The following RBPJ variants were observed in gnomAD, a reference collection of about 807,000 sequenced individuals.
The protein encoded by RBPJ is recombining binding protein suppressor of hairless.
In RBPJ, 9 loss-of-function variants were observed where a neutral mutation model predicts 67.8. The observed-to-expected ratio is 0.13, with a 90% CI of 0.08 to 0.23. The LOEUF (loss-of-function observed/expected upper bound fraction) is 0.23. RBPJ is among the 10% of genes least tolerant of loss of function. The pLI is 1.00. For missense variants in RBPJ, 305 were observed against 595.6 expected, an observed-to-expected ratio of 0.51 and a Z score of 5.08; for synonymous variants, 198 against 203.3, an observed-to-expected ratio of 0.97 and a Z score of 0.22.
chr4:26,359,507 T>A (rs1727794857), intron 1 of RBPJ, among the ~76,000 whole-genome samples: 1 of 150,942 alleles, frequency 6.6e-6, no homozygotes, highest in African/African-American at 2.4e-5. Flanking sequence ...GGTTCTGGGC[T>A]CGGGTGGGGG....
intron 1 of RBPJ, among the ~76,000 whole-genome samples, chr4:26,314,083 C>G (rs1170104539): frequency 6.6e-6 from 1 of 152,116 alleles, no homozygotes; most frequent in Non-Finnish European, 1.5e-5. Flanking sequence ...GTCATTCTTA[C>G]AATTTCTAGT....
upstream of RBPJ, among the ~76,000 whole-genome samples, chr4:26,319,156 G>T (rs532834730): frequency 1.3e-5 from 2 of 151,998 alleles, no homozygotes; most frequent in Non-Finnish European, 2.9e-5. Context: ...CCCGGAGGCG[G>T]GGGGCGCGGT....
chr4:26,267,164 A>C (rs1042075453), intron 1 of RBPJ, among the ~76,000 whole-genome samples: 1 of 152,168 alleles, frequency 6.6e-6, no homozygotes, highest in Non-Finnish European at 1.5e-5. Context: ...GGATTTCAAA[A>C]TTCAAGCTGT....
intron 1 of RBPJ, among the ~76,000 whole-genome samples, chr4:26,164,609 T>C (rs1716193715): frequency 6.6e-6 from 1 of 152,258 alleles, no homozygotes. Context: ...CTGTGTATTT[T>C]CCAAAAGTAC....
chr4:26,195,714 C>A (rs1717735460), intron 1 of RBPJ, among the ~76,000 whole-genome samples: 1 of 152,200 alleles, frequency 6.6e-6, no homozygotes, highest in East Asian at 1.9e-4. Flanking sequence ...CCTGCCTTAG[C>A]CTCCTGGGTA....
intron 1 of RBPJ, among the ~76,000 whole-genome samples, chr4:26,266,156 G>A (rs976505122): frequency 2.6e-5 from 4 of 152,036 alleles, no homozygotes; most frequent in Non-Finnish European, 4.4e-5. Context: ...CTGGCAGACT[G>A]TCCTGCCACA....
At chr4:26,244,321 G>A (rs1335310323) in intron 1 of RBPJ, among the ~76,000 whole-genome samples, 2 of 131,176 alleles carry the variant, frequency 1.5e-5, no homozygotes, top group East Asian at 2.1e-4. Context: ...GTGTGTATAT[G>A]TATACACATA....
intron 1 of RBPJ, among the ~76,000 whole-genome samples, chr4:26,294,645 C>T (rs1257816572): frequency 2.0e-5 from 3 of 151,880 alleles, no homozygotes; most frequent in Non-Finnish European, 4.4e-5. Flanking sequence ...TTTGGGAGGT[C>T]GAGGTGGGTG....
chr4:26,218,262 G>A (rs966374186), intron 1 of RBPJ, among the ~76,000 whole-genome samples: 1 of 152,152 alleles, frequency 6.6e-6, no homozygotes, highest in African/African-American at 2.4e-5. Flanking sequence ...GTTGTTGATG[G>A]GGAAATAATC....
At chr4:26,352,978 A>G (rs1372613431) in intron 1 of RBPJ, among the ~76,000 whole-genome samples, 1 of 152,200 alleles carries the variant, frequency 6.6e-6, no homozygotes, top group Non-Finnish European at 1.5e-5. Flanking sequence ...TAGCTTTGTT[A>G]AATAGTGGAA....
chr4:26,261,263 G>A (rs1720522776), intron 1 of RBPJ, among the ~76,000 whole-genome samples: 1 of 151,750 alleles, frequency 6.6e-6, no homozygotes, highest in Non-Finnish European at 1.5e-5. Flanking sequence ...GAAAGAATGA[G>A]AAGGAATAGG....
the RBPJ span, among the ~76,000 whole-genome samples, chr4:26,135,765 G>A: frequency 6.6e-6 from 1 of 152,166 alleles, no homozygotes; most frequent in Non-Finnish European, 1.5e-5. Context: ...CAGCTCGCCT[G>A]GGAAGTTTGC....
chr4:26,379,559 A>G (rs1193409688), intron 1 of RBPJ, among the ~76,000 whole-genome samples: 2 of 152,144 alleles, frequency 1.3e-5, no homozygotes, highest in East Asian at 1.9e-4. Flanking sequence ...AGTCAAACAC[A>G]TGAAATCATC....
intron 1 of RBPJ, among the ~76,000 whole-genome samples, chr4:26,195,172 C>G (rs994010673): frequency 7.2e-5 from 11 of 152,166 alleles, no homozygotes; most frequent in Non-Finnish European, 1.3e-4. Flanking sequence ...AGTTCAAGAC[C>G]AGCCTGGCCA....
At chr4:26,364,625 C>T (rs1027524166) in intron 1 of RBPJ, among the ~76,000 whole-genome samples, 838 of 103,900 alleles carry the variant, frequency 8.1e-3, no homozygotes, top group Middle Eastern at 0.027. Flanking sequence ...TTTTCATTTT[C>T]TTTTTTTTTT....
At chr4:26,160,994 T>C (rs1386024758), upstream of RBPJ, among the ~76,000 whole-genome samples, 1 of 152,230 alleles carries the variant, frequency 6.6e-6, no homozygotes, top group Non-Finnish European at 1.5e-5. Context: ...CAAAACATGT[T>C]TCCAGTTACT....
At chr4:26,162,540 G>A (rs1309427458), upstream of RBPJ, among the ~76,000 whole-genome samples, 1 of 152,244 alleles carries the variant, frequency 6.6e-6, no homozygotes, top group African/African-American at 2.4e-5. Flanking sequence ...GCCCAGCACA[G>A]CTCTAGGCAC....
At chr4:26,250,100 A>G (rs1720059127) in intron 1 of RBPJ, among the ~76,000 whole-genome samples, 1 of 151,478 alleles carries the variant, frequency 6.6e-6, no homozygotes, top group Non-Finnish European at 1.5e-5. Context: ...GAACTTTTTC[A>G]TCATTCCAAA....
At chr4:26,330,029 G>A (rs1474846188) in intron 1 of RBPJ, among the ~76,000 whole-genome samples, 1 of 152,198 alleles carries the variant, frequency 6.6e-6, no homozygotes, top group Non-Finnish European at 1.5e-5. Flanking sequence ...CTTCAGAAGG[G>A]AGGGTAGGAA....
Sources: gnomAD v4.1 joint callset for allele counts (sites outside exome capture counted in the v4.1 genomes callset) on GRCh38, gnomAD v4.1.1 for gene constraint, MANE v1.5 for transcripts, NCBI Gene and HGNC (gene_info 2026-07-23, HGNC 2026-07-21) for gene names.